ADAD1: variants seen among roughly 807,000 people sequenced by gnomAD.
ADAD1 encodes adenosine deaminase domain containing 1.
A neutral mutation model predicts 66.8 loss-of-function variants in ADAD1; 46 were observed. The ratio of observed to expected loss-of-function variants is 0.69; its 90% CI spans 0.54 to 0.88. The LOEUF is 0.88. ADAD1 is among the 40% of genes least tolerant of loss of function. The probability of loss-of-function intolerance (pLI) is 0.00; values close to 1 mark genes in which losing one functional copy is unlikely to be tolerated. For missense variants in ADAD1, 617 were observed against 681.8 expected (o/e 0.91, Z 1.06); for synonymous variants, 248 against 229.4 (o/e 1.08, Z -0.73).
intron 6 of ADAD1, among the ~76,000 whole-genome samples, chr4:122,394,924 T>A (rs1795624799): frequency 6.6e-6 from 1 of 152,196 alleles, no homozygotes; most frequent in Admixed American, 6.5e-5. Context: ...AATTTATGGG[T>A]AAGAACAAGT....
In ADAD1 at chr4:122,380,076, A is replaced by G. The variant is rs975589703; in HGVS notation, c.7A>G (p.Ser3Gly). The G allele has an allele frequency of 4.3e-6, 7 of 1,611,626 alleles. No homozygotes were observed. The highest frequency in any genetic ancestry group is 4.0e-5 in the African/African-American group (3 of 74,780). ...GTGACCTCTAGGTGAGAAAATGGCT[A>G]GCAACAATCATTGGTTTCAGAGTTC... MA[S>G]NNHWFQSSQV... Residue 3 changes from serine to glycine, a missense_variant, in exon 3 of 13, where the codon AGC becomes GGC. Transcript: ENST00000296513.
chr4:122,380,847 C>T (rs549274945), intron 3 of ADAD1, 145 bp from the exon 4 acceptor site: 71 of 748,160 alleles, frequency 9.5e-5, no homozygotes, highest in Non-Finnish European at 1.4e-4. Context: ...GTCATGTGTG[C>T]CAAAATTGTT....
At chr4:122,415,357 G>A (rs753997395) in intron 10 of ADAD1, 22 bp from the exon 11 acceptor site, 7 of 1,557,600 alleles carry the variant, frequency 4.5e-6, no homozygotes, top group Admixed American at 3.5e-5. Context: ...TTGAACTTGA[G>A]TGTTTTGTTT....
chr4:122,412,778 A>G lies in ADAD1; in HGVS notation c.1218A>G (p.Ile406Met). 2 of 1,613,884 alleles carry G rather than the reference A, an allele frequency of 1.2e-6. No homozygotes were observed. The highest frequency in any genetic ancestry group is 1.1e-5 in the South Asian group (1 of 91,072). Reference sequence around the variant, plus strand: ...AGGGAGCATTGCTGAGTCATTTTATACAGCCAGTTTACATCAGCAGTATAC... The same window carrying G: ...AGGGAGCATTGCTGAGTCATTTTATGCAGCCAGTTTACATCAGCAGTATAC... ...GVQGALLSHF[I>M]QPVYISSILI... Residue 406 changes from isoleucine (I) to methionine (M), a missense_variant, in exon 10 of 13, where the codon ATA becomes ATG. By Grantham distance (10) the Ile-to-Met change is conservative. Transcript: ENST00000296513.
At chr4:122,408,562 C>A (rs1796325264) in intron 8 of ADAD1, among the ~76,000 whole-genome samples, 1 of 152,112 alleles carries the variant, frequency 6.6e-6, no homozygotes. Flanking sequence ...AGGGGTGAGC[C>A]ACCGCACCCG....
chr4:122,408,760 G>T (rs907138820), intron 8 of ADAD1, among the ~76,000 whole-genome samples: 5 of 152,116 alleles, frequency 3.3e-5, no homozygotes, highest in African/African-American at 1.2e-4. Context: ...GCACACAACT[G>T]TAGTCCCATC....
intron 5 of ADAD1, among the ~76,000 whole-genome samples, chr4:122,390,697 C>T (rs1397102853): frequency 6.6e-6 from 1 of 152,110 alleles, no homozygotes; most frequent in Non-Finnish European, 1.5e-5. Context: ...TTTTTTTCAG[C>T]TCCATCAGGT....
At chr4:122,413,776 G>A (rs1332717759) in intron 10 of ADAD1, among the ~76,000 whole-genome samples, 3 of 149,956 alleles carry the variant, frequency 2.0e-5, no homozygotes, top group African/African-American at 4.9e-5. Flanking sequence ...CCTAAAGTCA[G>A]TCAGTTTGCT....
intron 5 of ADAD1, among the ~76,000 whole-genome samples, chr4:122,384,545 A>G (rs759698744): frequency 6.6e-6 from 1 of 152,216 alleles, no homozygotes; most frequent in Non-Finnish European, 1.5e-5. Flanking sequence ...CAATGCATGC[A>G]AAGTCCTTAA....
chr4:122,390,521 A>G (rs779415386), intron 5 of ADAD1, among the ~76,000 whole-genome samples: 1 of 152,050 alleles, frequency 6.6e-6, no homozygotes, highest in Non-Finnish European at 1.5e-5. Context: ...TGGTCTTTTT[A>G]TGAAGTCCCA....
At chr4:122,419,857 C>G (rs1174371217) in intron 11 of ADAD1, among the ~76,000 whole-genome samples, 1 of 152,040 alleles carries the variant, frequency 6.6e-6, no homozygotes, top group African/African-American at 2.4e-5. Context: ...TTAAGATACT[C>G]AATAAAAAGG....
rs140626626 is a variant in ADAD1 at position 122,421,746 on chromosome 4, T to C, written c.1617+356T>C. 1.8e-3 allele frequency among the ~76,000 whole-genome samples: 272 copies of C among 152,192 alleles called. 4 individuals carry two copies. The highest frequency in any genetic ancestry group is 6.2e-3 in the African/African-American group (257 of 41,550). ...ATGTTAAGTATTCTAAAAGAATATA[T>C]TATTTAAGATATATGAATTTTTCTA... On this transcript the variant is annotated intron_variant, in intron 12 of 12. Coordinates refer to ENST00000296513, the MANE Select transcript of ADAD1 (RefSeq NM_139243.4).
At chr4:122,411,557 C>T (rs1425166082) in intron 9 of ADAD1, among the ~76,000 whole-genome samples, 165 bp downstream of exon 9, 2 of 152,056 alleles carry the variant, frequency 1.3e-5, no homozygotes, top group African/African-American at 4.8e-5. Context: ...TTTTCCCTTC[C>T]CGTCAATCTA....
chr4:122,398,117 T>C (rs1395305924), intron 7 of ADAD1, among the ~76,000 whole-genome samples: 1 of 152,090 alleles, frequency 6.6e-6, no homozygotes, highest in Non-Finnish European at 1.5e-5. Flanking sequence ...CTGTACCCAG[T>C]GTGTAGTCTT....
Position 122,393,569 on chromosome 4 carries a change from T to A in ADAD1, c.530-20T>A. On this transcript the variant is annotated intron_variant, in intron 5 of 12. Transcript: ENST00000296513. ...AATGTTGAAGTTTCATGTTTCCTTATGTTTTTGTTTTGTTTACAGGTCCTC... is the reference window on the plus strand; with the variant it reads ...AATGTTGAAGTTTCATGTTTCCTTAAGTTTTTGTTTTGTTTACAGGTCCTC... 1 of 1,566,042 alleles carries A rather than the reference T, an allele frequency of 6.4e-7. No homozygotes were observed. Among genetic ancestry groups the A allele is most frequent in the Non-Finnish European group, 8.6e-7 (1 of 1,157,964 alleles).
At chr4:122,396,521 C>A in intron 7 of ADAD1, 144 bp downstream of exon 7, 1 of 610,996 alleles carries the variant, frequency 1.6e-6, no homozygotes. Flanking sequence ...AAACACAAAG[C>A]TTCTCCAAGG....
At chr4:122,387,166 G>A (rs541094752) in intron 5 of ADAD1, among the ~76,000 whole-genome samples, 51 of 152,156 alleles carry the variant, frequency 3.4e-4, no homozygotes, top group Admixed American at 7.9e-4. Context: ...TCTTCTATCC[G>A]TGAGGATGGA....
chr4:122,379,962 G>C (rs994648330), intron 2 of ADAD1, 100 bp from the exon 3 acceptor site: 3 of 1,187,450 alleles, frequency 2.5e-6, no homozygotes, highest in African/African-American at 3.1e-5. Flanking sequence ...ATGTGCCAAG[G>C]CCATTTATGG....
chr4:122,422,349 T>C (rs1407143404), intron 12 of ADAD1, among the ~76,000 whole-genome samples: 1 of 152,190 alleles, frequency 6.6e-6, no homozygotes, highest in Admixed American at 6.5e-5. Flanking sequence ...GGTCTTGAAC[T>C]CCTCACGTCA....
Sources: allele counts gnomAD v4.1 joint callset (sites outside exome capture counted in the v4.1 genomes callset), GRCh38; gene constraint gnomAD v4.1.1; transcripts MANE v1.5; gene names NCBI Gene and HGNC (gene_info 2026-07-23, HGNC 2026-07-21).